Variants in OR6A2 observed in about 807,000 individuals in gnomAD.
OR6A2 encodes olfactory receptor family 6 subfamily A member 2, also known as olfactory receptor 6A2.
OR6A2 carries 6 observed loss-of-function variants against 7.1 expected under a neutral mutation model. The observed-to-expected ratio is 0.85, with a 90% CI of 0.46 to 1.68. The LOEUF (loss-of-function observed/expected upper bound fraction) is 1.68, where lower values mean the gene tolerates loss of function less well. Among genes scored for constraint, OR6A2 ranks in the 40% most tolerant of loss-of-function variants. The pLI, the probability that OR6A2 is intolerant of heterozygous loss-of-function variation, is 0.01. For missense variants in OR6A2, 431 were observed against 398.0 expected (o/e 1.08, Z -0.71); for synonymous variants, 162 against 152.1 (o/e 1.06, Z -0.48).
chr11:6,794,795 G>A lies in OR6A2; in HGVS notation c.914C>T (p.Ala305Val), dbSNP rs1847725992. Residue 305 changes from alanine (A) to valine (V), a missense_variant, in exon 2 of 2, where the codon GCC (alanine) becomes GTC (valine). Transcript: ENST00000641196. The stretch of plus-strand genomic sequence containing the variant: ...GTACAGGTGCAGAGTACAGCATAGG[G>A]CTCTCTTGACCTCTTGATTGCGCAG... ...YCLRNQEVKR[A>V]LCCTLHLYQH... is the part of the protein sequence containing the mutation. 6.2e-7 allele frequency: 1 copy of A among 1,614,082 alleles called. No homozygotes were observed. Among genetic ancestry groups the A allele is most frequent in the East Asian group, 2.2e-5 (1 of 44,880 alleles).
rs201065460 is a variant in OR6A2 at position 6,795,474 on chromosome 11, T to C, written c.235A>G (p.Ile79Val). ...FLEIWYVTVT[I>V]PKMLAGFVGS... Reference sequence around the variant, plus strand: ...ACAAAGCCAGCAAGCATCTTGGGAATAGTGACAGTGACATACCAGATCTCC... The same window carrying C: ...ACAAAGCCAGCAAGCATCTTGGGAACAGTGACAGTGACATACCAGATCTCC... Residue 79 changes from isoleucine (I) to valine (V), a missense_variant, in exon 2 of 2, where the codon ATT (isoleucine) becomes GTT (valine). By Grantham distance (29) the Ile-to-Val change is conservative. Coordinates refer to ENST00000641196, the MANE Select transcript of OR6A2 (RefSeq NM_003696.3). 4.3e-6 allele frequency: 7 copies of C among 1,614,138 alleles called. No individual in the cohort carries two copies. The African/African-American group carries it at 5.3e-5, about 12-fold the overall frequency.
chr11:6,795,090 G>A lies in OR6A2; in HGVS notation c.619C>T (p.Leu207=). ...GGCCCTAGAAGAATAAAAATGGCCA[G>A]GATGAAATCTGTAAGCTCTGCTGTG... ...MSTAELTDFI[L]AIFILLGPLS... The change falls in exon 2 of 2, where the codon CTG becomes TTG. Residue 207 remains leucine (L), a synonymous_variant. Coordinates refer to ENST00000641196, the MANE Select transcript of OR6A2 (RefSeq NM_003696.3). 17 of 1,614,106 alleles carry A rather than the reference G, an allele frequency of 1.1e-5. No homozygotes were observed. Among genetic ancestry groups the A allele is most frequent in the Non-Finnish European group, 1.4e-5 (16 of 1,180,004 alleles).
In OR6A2 at chr11:6,795,182, G is replaced by A. The variant is rs777113472; in HGVS notation, c.527C>T (p.Pro176Leu). 6.2e-7 allele frequency: 1 copy of A among 1,614,082 alleles called. No individual in the cohort carries two copies. The highest frequency in any genetic ancestry group is 8.5e-7 in the Non-Finnish European group (1 of 1,180,008). The change falls in exon 2 of 2, where the codon CCC becomes CTC. Residue 176 changes from proline to leucine, a missense_variant. Transcript: ENST00000641196. ...ACAGAAAAAGTGGTTGATGATGTTGGGGCCACAGTAAGAGAGGCCAGAAAT... is the reference window on the plus strand; with the variant it reads ...ACAGAAAAAGTGGTTGATGATGTTGAGGCCACAGTAAGAGAGGCCAGAAAT... ...FLISGLSYCG[P>L]NIINHFFCDV...
chr11:6,793,052 A>G lies in OR6A2; in HGVS notation c.*1673T>C, dbSNP rs1408327711. 6.6e-6 allele frequency: 1 copy of G among 152,208 alleles called. No homozygotes were observed. The highest frequency in any genetic ancestry group is 1.5e-5 in the Non-Finnish European group (1 of 68,030). 9.4% of individuals were successfully genotyped at this position (152,208 alleles called of 1,614,324 possible). ...ATTAACTCGAGTTAACTTATAAAAG[A>G]GTTTATAAAAGAGTTGTAATAACAA... On this transcript the variant is annotated 3_prime_UTR_variant, in exon 2 of 2. Transcript: ENST00000641196.
chr11:6,795,715 G>C lies in OR6A2; in HGVS notation c.-7C>G, dbSNP rs1847742463. 2 of 1,612,964 alleles carry C rather than the reference G, an allele frequency of 1.2e-6. No homozygotes were observed. The highest frequency in any genetic ancestry group is 1.7e-6 in the Non-Finnish European group (2 of 1,179,604). ...TATGGTTCCGCCACTCCATGTCATT[G>C]GTCTCTCTTACTGCTCTTCAGGAGA... is the stretch of plus-strand genomic sequence containing the variant. On this transcript the variant is annotated 5_prime_UTR_variant, in exon 2 of 2. Coordinates refer to ENST00000641196, the MANE Select transcript of OR6A2 (RefSeq NM_003696.3).
rs1447706227 is a variant in OR6A2 at position 6,795,766 on chromosome 11, CACA to C, written c.-61_-59del. ...TGAGAGTAGAGAGTCTTCAGTAGGC[CACA>C]ACAAGAACCCAGCCTTTCTCTTAAT... On this transcript the variant is annotated 5_prime_UTR_variant, in exon 2 of 2. Transcript: ENST00000641196. 1.3e-6 allele frequency: 2 copies of C among 1,535,744 alleles called. No homozygotes were observed. Among genetic ancestry groups the C allele is most frequent in the East Asian group, 2.3e-5 (1 of 44,376 alleles).
At position 6,795,126 on chromosome 11, in the gene OR6A2, T is replaced by G; in HGVS notation, c.583A>C (p.Thr195Pro). The G allele has an allele frequency of 6.2e-7, 1 of 1,614,068 alleles. No homozygotes were observed. Among genetic ancestry groups the G allele is most frequent in the Non-Finnish European group, 8.5e-7 (1 of 1,179,980 alleles). ...GTAAGCTCTGCTGTGGACATATCAGTGCATGAGAGGTTGAGCAATGGAGAG... is the reference window on the plus strand; with the variant it reads ...GTAAGCTCTGCTGTGGACATATCAGGGCATGAGAGGTTGAGCAATGGAGAG... Reference protein sequence around the residue: ...DVSPLLNLSCTDMSTAELTDF... With the variant: ...DVSPLLNLSCPDMSTAELTDF... Residue 195 changes from threonine (T) to proline (P), a missense_variant, in exon 2 of 2, where the codon ACT becomes CCT. By Grantham distance (38) the Thr-to-Pro change is conservative. Coordinates refer to ENST00000641196, the MANE Select transcript of OR6A2 (RefSeq NM_003696.3).
chr11:6,793,798 G>C lies in OR6A2; in HGVS notation c.*927C>G, dbSNP rs1157770656. On this transcript the variant is annotated 3_prime_UTR_variant, in exon 2 of 2. Transcript: ENST00000641196. ...ATATGAGCTACAATTTATTTGACCA[G>C]TGCCCTGTTTGCGAAAGTTGAGCAT... is the stretch of plus-strand genomic sequence containing the variant. The C allele has an allele frequency of 1.3e-5, 2 of 152,016 alleles. No individual in the cohort carries two copies. Among genetic ancestry groups the C allele is most frequent in the Non-Finnish European group, 2.9e-5 (2 of 68,012 alleles). The allele number at this position is 152,016 out of a possible 1,614,324, so 9.4% of individuals were successfully genotyped here.
chr11:6,799,657 AC>A lies in OR6A2; in HGVS notation c.-291del, dbSNP rs1847781577. 1 of 152,178 alleles carries A rather than the reference AC, an allele frequency of 6.6e-6. No homozygotes were observed. The highest frequency in any genetic ancestry group is 1.5e-5 in the Non-Finnish European group (1 of 68,030). The allele number at this position is 152,178 out of a possible 1,614,324, so 9.4% of individuals were successfully genotyped here. On this transcript the variant is annotated 5_prime_UTR_variant, in exon 1 of 2. An upstream open reading frame in the 5' UTR gains an earlier in-frame stop. Transcript: ENST00000641196. ...AGTCATCGGGACTAAGAAAGATGAT[AC>A]AGAGATTCCACTTTCTCTTCCTCCC...
At chr11:6,797,377 C>G (rs1847757833) in intron 1 of OR6A2, among the ~76,000 whole-genome samples, 1 of 152,090 alleles carries the variant, frequency 6.6e-6, no homozygotes, top group South Asian at 2.1e-4. Context: ...CATGCCTGTC[C>G]CAATGCCATA....
chr11:6,797,933 C>T (rs1332069687), intron 1 of OR6A2, among the ~76,000 whole-genome samples: 2 of 152,148 alleles, frequency 1.3e-5, no homozygotes, highest in Non-Finnish European at 2.9e-5. Context: ...GTTCATAAGG[C>T]TTCTATCCAT....
rs567353554 is a variant in OR6A2 at position 6,793,116 on chromosome 11, C to G, written c.*1609G>C. ...ACTCTCCCATCCCTGATCACAACCC[C>G]ATTTCAGAAACTTCTTCTACGGGGA... On this transcript the variant is annotated 3_prime_UTR_variant, in exon 2 of 2. Coordinates refer to ENST00000641196, the MANE Select transcript of OR6A2 (RefSeq NM_003696.3). The G allele has an allele frequency of 1.1e-4, 16 of 152,250 alleles. No individual in the cohort carries two copies. Among genetic ancestry groups the G allele is most frequent in the African/African-American group, 3.6e-4 (15 of 41,566 alleles). 9.4% of individuals were successfully genotyped at this position (152,250 alleles called of 1,614,324 possible).
In OR6A2 at chr11:6,794,807, T is replaced by A; in HGVS notation, c.902A>T (p.Glu301Val). 6.2e-7 allele frequency: 1 copy of A among 1,614,138 alleles called. No homozygotes were observed. Among genetic ancestry groups the A allele is most frequent in the Non-Finnish European group, 8.5e-7 (1 of 1,179,986 alleles). The change falls in exon 2 of 2, where the codon GAG becomes GTG. Residue 301 changes from glutamate (E) to valine (V), a missense_variant. Glu to Val is a moderately radical substitution (Grantham distance 121, BLOSUM62 -2). Coordinates refer to ENST00000641196, the MANE Select transcript of OR6A2 (RefSeq NM_003696.3). ...AGTACAGCATAGGGCTCTCTTGACC[T>A]CTTGATTGCGCAGGCAGTAAATGAT... is the stretch of plus-strand genomic sequence containing the variant. ...NPIIYCLRNQ[E>V]VKRALCCTLH... is the part of the protein sequence containing the mutation.
chr11:6,798,222 T>C (rs1847766633), intron 1 of OR6A2, among the ~76,000 whole-genome samples: 1 of 152,174 alleles, frequency 6.6e-6, no homozygotes, highest in African/African-American at 2.4e-5. Flanking sequence ...AAGCAAGTTA[T>C]TCCTCTATTA....
chr11:6,794,618 C>G lies in OR6A2; in HGVS notation c.*107G>C, dbSNP rs992140249. ...AAGTATTCCTAGTTCCATAGTGATG[C>G]CTTTGAAACTCTGGCCCCCAATTTA... On this transcript the variant is annotated 3_prime_UTR_variant, in exon 2 of 2. Coordinates refer to ENST00000641196, the MANE Select transcript of OR6A2 (RefSeq NM_003696.3). 5.8e-6 allele frequency: 8 copies of G among 1,380,410 alleles called. No homozygotes were observed. The highest frequency in any genetic ancestry group is 2.2e-5 in the Admixed American group (1 of 45,758). The allele number at this position is 1,380,410 out of a possible 1,614,324, so 85.5% of individuals were successfully genotyped here.
Position 6,795,236 on chromosome 11 carries a change from A to C in OR6A2, c.473T>G (p.Phe158Cys), listed in dbSNP as rs1385483643. 2 of 1,614,128 alleles carry C rather than the reference A, an allele frequency of 1.2e-6. No individual in the cohort carries two copies. The highest frequency in any genetic ancestry group is 1.7e-6 in the Non-Finnish European group (2 of 1,180,016). Residue 158 changes from phenylalanine (F) to cysteine (C), a missense_variant, in exon 2 of 2, where the codon TTT (phenylalanine) becomes TGT (cysteine). By Grantham distance (205) the Phe-to-Cys change is radical. Transcript: ENST00000641196. ...QMAAGSWAGG[F>C]GISMVKVFLI... is the part of the protein sequence containing the mutation. The stretch of plus-strand genomic sequence containing the variant: ...AAAAACTTTGACCATGGAGATGCCA[A>C]AACCTCCAGCCCAAGAGCCAGCAGC...
At chr11:6,797,332 T>C (rs1206878335) in intron 1 of OR6A2, among the ~76,000 whole-genome samples, 1 of 152,204 alleles carries the variant, frequency 6.6e-6, no homozygotes, top group Non-Finnish European at 1.5e-5. Flanking sequence ...TATAGGGGCA[T>C]ATCTTCACCT....
chr11:6,797,969 T>A (rs887641604), intron 1 of OR6A2, among the ~76,000 whole-genome samples: 10 of 152,064 alleles, frequency 6.6e-5, no homozygotes, highest in South Asian at 2.1e-4. Flanking sequence ...TTTTTTTTTT[T>A]AAACTTTTCC....
In OR6A2 at chr11:6,794,975, G is replaced by A; in HGVS notation, c.734C>T (p.Thr245Ile). Residue 245 changes from threonine (T) to isoleucine (I), a missense_variant, in exon 2 of 2, where the codon ACC becomes ATC. By Grantham distance (89) the Thr-to-Ile change is moderately conservative (BLOSUM62 -1). Coordinates refer to ENST00000641196, the MANE Select transcript of OR6A2 (RefSeq NM_003696.3). ...SAAGRYKAFS[T>I]CASHLTVVII... ...CACAACAGTGAGATGAGAGGCACAG[G>A]TGGAAAAGGCCTTATAGCGTCCAGC... is the stretch of plus-strand genomic sequence containing the variant. 6.2e-7 allele frequency: 1 copy of A among 1,614,124 alleles called. No homozygotes were observed. Among genetic ancestry groups the A allele is most frequent in the Admixed American group, 1.7e-5 (1 of 60,000 alleles).
Sources: gnomAD v4.1 joint callset for allele counts (sites outside exome capture counted in the v4.1 genomes callset) on GRCh38, gnomAD v4.1.1 for gene constraint, MANE v1.5 for transcripts, NCBI Gene and HGNC (gene_info 2026-07-23, HGNC 2026-07-21) for gene names.